HERC1: variants seen among roughly 807,000 people sequenced by gnomAD.
The protein encoded by HERC1 is probable E3 ubiquitin-protein ligase HERC1.
Under a neutral mutation model 554.3 loss-of-function variants are expected in HERC1, and 160 were observed. That is an observed-to-expected ratio of 0.29 (90% CI 0.25 to 0.33). The LOEUF is 0.33. Among genes scored for constraint, HERC1 ranks in the 10% least tolerant of loss-of-function variants. HERC1 has a pLI of 1.00. For synonymous variants in HERC1, 2,175 were observed against 2,131.7 expected, an observed-to-expected ratio of 1.02 and a Z score of -0.56; for missense variants, 4,919 against 5,918.5, an observed-to-expected ratio of 0.83 and a Z score of 5.54.
rs2074100850 is a variant in HERC1 at position 63,727,848 on chromosome 15, G to A, written c.3155-10C>T. 3.1e-6 allele frequency: 5 copies of A among 1,603,542 alleles called. No individual in the cohort carries two copies. The highest frequency in any genetic ancestry group is 4.3e-6 in the Non-Finnish European group (5 of 1,173,024). Reference sequence around the variant, plus strand: ...GAGACGTATATCACATCTATGAAGGGCAAGAAATTAAACATGGGACAATTG... The same window carrying A: ...GAGACGTATATCACATCTATGAAGGACAAGAAATTAAACATGGGACAATTG... On this transcript the variant is annotated splice_polypyrimidine_tract_variant and intron_variant, in intron 16 of 77. Coordinates refer to ENST00000443617, the MANE Select transcript of HERC1 (RefSeq NM_003922.4). This position sits in a 1 kb window ranked among gnomAD's most constrained non-coding sequence, Gnocchi z 4.3.
At chr15:63,786,454 C>G (rs35943131) in intron 1 of HERC1, among the ~76,000 whole-genome samples, 72,651 of 151,800 alleles carry the variant, frequency 0.48, 18,322 homozygotes, top group Non-Finnish European at 0.55. Context: ...TGTACACAAA[C>G]ATTCACTGGA....
In HERC1 at chr15:63,638,534, G is replaced by A; in HGVS notation, c.11970C>T (p.Asp3990=). 6.2e-7 allele frequency: 1 copy of A among 1,613,768 alleles called. No individual in the cohort carries two copies. The highest frequency in any genetic ancestry group is 1.1e-5 in the South Asian group (1 of 91,074). The change falls in exon 63 of 78, where the codon GAC becomes GAT. Residue 3990 remains aspartate (D), a splice_region_variant and synonymous_variant. Coordinates refer to ENST00000443617, the MANE Select transcript of HERC1 (RefSeq NM_003922.4). ...IMSWATSRPE[D]WHLGGKCDVY... ...CATCACATTTACCTCCCAGGTGCCA[G>A]TCCTAGAAAACCACAATCATCTCAA...
chr15:63,630,967 C>A lies in HERC1; in HGVS notation c.12797-332G>T, dbSNP rs549709477. Among the ~76,000 whole-genome samples the A allele has an allele frequency of 3.3e-5, 5 of 152,160 alleles. No homozygotes were observed. In the East Asian group the frequency reaches 9.7e-4, roughly 29 times the overall value. On this transcript the variant is annotated intron_variant, in intron 68 of 77. Coordinates refer to ENST00000443617, the MANE Select transcript of HERC1 (RefSeq NM_003922.4). ...AGGGTCTGACTGACACAGTTCAGGCCCTCAAGTTTCTTATGTTCTTTTTTG... is the reference window on the plus strand; with the variant it reads ...AGGGTCTGACTGACACAGTTCAGGCACTCAAGTTTCTTATGTTCTTTTTTG...
At chr15:63,787,577 C>G (rs923943738) in intron 1 of HERC1, among the ~76,000 whole-genome samples, 1 of 152,132 alleles carries the variant, frequency 6.6e-6, no homozygotes, top group Admixed American at 6.5e-5. Context: ...AAAAAAAGTT[C>G]GCTACATCAA....
Position 63,615,784 on chromosome 15 carries a change from T to C in HERC1, c.14078A>G (p.His4693Arg). The change falls in exon 76 of 78, where the codon CAT (histidine) becomes CGT (arginine). Residue 4693 changes from histidine (H) to arginine (R), a missense_variant. Around this residue, in one of 11 missense-constraint regions of HERC1, gnomAD observed 284 missense variants for 294.1 expected, o/e 0.97. Transcript: ENST00000443617. ...YVERAIEYRL[H>R]EMDRQVAAVR... ...TCATCTCACCTGTCTGTCCATCTCA[T>C]GAAGTCGATATTCAATGGCCCTCTC... 1 of 1,596,614 alleles carries C rather than the reference T, an allele frequency of 6.3e-7. No homozygotes were observed. The highest frequency in any genetic ancestry group is 8.5e-7 in the Non-Finnish European group (1 of 1,173,944).
intron 18 of HERC1, among the ~76,000 whole-genome samples, chr15:63,724,936 C>T (rs1252018847): frequency 6.6e-6 from 1 of 152,190 alleles, no homozygotes; most frequent in African/African-American, 2.4e-5. Context: ...ACTGATAAGT[C>T]ATGGTTAAGT....
rs565203493 is a variant in HERC1 at position 63,666,022 on chromosome 15, C to T, written c.8452G>A (p.Val2818Ile). 3.5e-5 allele frequency: 56 copies of T among 1,614,016 alleles called. No individual in the cohort carries two copies. The highest frequency in any genetic ancestry group is 6.7e-5 in the Admixed American group (4 of 60,032). Reference sequence around the variant, plus strand: ...TTTGACTTCCCGCCACTGCCTAGAACGGCTGCTCCAGGCCTAGAGTCTGCT... The same window carrying T: ...TTTGACTTCCCGCCACTGCCTAGAATGGCTGCTCCAGGCCTAGAGTCTGCT... ...STADSRPGAA[V>I]LGSGGKSNDP... Residue 2818 changes from valine (V) to isoleucine (I), a missense_variant, in exon 42 of 78, where the codon GTT becomes ATT. Coordinates refer to ENST00000443617, the MANE Select transcript of HERC1 (RefSeq NM_003922.4).
At chr15:63,785,602 CTACAAAAAA>C (rs2076413563) in intron 1 of HERC1, among the ~76,000 whole-genome samples, 1 of 151,972 alleles carries the variant, frequency 6.6e-6, no homozygotes, top group African/African-American at 2.4e-5. Flanking sequence ...AACCCCATCT[CTACAAAAAA>C]TACAAAAAAT....
chr15:63,718,975 T>A lies in HERC1; in HGVS notation c.3743-78A>T. 1.1e-6 allele frequency: 1 copy of A among 889,292 alleles called. No individual in the cohort carries two copies. 55.1% of individuals were successfully genotyped at this position (889,292 alleles called of 1,614,324 possible). A position where few individuals can be genotyped will look rare whatever the true frequency, so the allele number is the denominator to read the frequency against. ...GAGGTAATTTTTATAGCTTTAGTCA[T>A]CCAACACCTGAATTTTATCATCTTT... On this transcript the variant is annotated intron_variant, in intron 19 of 77. Transcript: ENST00000443617. The surrounding 1 kb of genome is among the most constrained non-coding windows in gnomAD (Gnocchi z 4.2).
chr15:63,635,639 A>C (rs2152819679), intron 65 of HERC1, among the ~76,000 whole-genome samples: 1 of 152,320 alleles, frequency 6.6e-6, no homozygotes, highest in South Asian at 2.1e-4. Context: ...TTTTCCTTTT[A>C]TCTGTGTATT....
chr15:63,831,412 G>C (rs2078150398), intron 1 of HERC1, among the ~76,000 whole-genome samples: 3 of 152,094 alleles, frequency 2.0e-5, no homozygotes, highest in Non-Finnish European at 2.9e-5. Context: ...CTGGCCAAAA[G>C]TTCTATTTAC....
intron 25 of HERC1, among the ~76,000 whole-genome samples, chr15:63,704,604 T>C (rs987681017): frequency 1.3e-5 from 2 of 152,082 alleles, no homozygotes; most frequent in Non-Finnish European, 2.9e-5. Flanking sequence ...GGAAAGTAAA[T>C]CTGTTCCAAA....
chr15:63,666,033 G>C lies in HERC1; in HGVS notation c.8441C>G (p.Pro2814Arg). The change falls in exon 42 of 78, where the codon CCT (proline) becomes CGT (arginine). Residue 2814 changes from proline (P) to arginine (R), a missense_variant. This residue lies in a region of HERC1 where 1,963 missense variants were observed against 2,228.6 expected (regional missense o/e 0.88). Transcript: ENST00000443617. ...PQSGSTADSR[P>R]GAAVLGSGGK... ...GCCACTGCCTAGAACGGCTGCTCCA[G>C]GCCTAGAGTCTGCTGTGCTGCCCGA... The C allele has an allele frequency of 1.9e-6, 3 of 1,614,026 alleles. No homozygotes were observed. Among genetic ancestry groups the C allele is most frequent in the Non-Finnish European group, 1.7e-6 (2 of 1,179,888 alleles).
chr15:63,800,199 T>C (rs1337853321), intron 1 of HERC1, among the ~76,000 whole-genome samples: 2 of 152,156 alleles, frequency 1.3e-5, no homozygotes, highest in South Asian at 2.1e-4. Context: ...ATGCATTTGT[T>C]AATATTTTTC....
chr15:63,725,146 G>A, intron 18 of HERC1, 146 bp downstream of exon 18: 2 of 685,086 alleles, frequency 2.9e-6, no homozygotes, highest in Non-Finnish European at 4.9e-6. Context: ...TTTTCTTAGG[G>A]CTCCAAGTCA....
At chr15:63,644,499 G>GTT (rs552291680) in intron 57 of HERC1, among the ~76,000 whole-genome samples, 2,433 of 147,984 alleles carry the variant, frequency 0.016, 70 homozygotes, top group African/African-American at 0.057. Context: ...AAGCTTCTTT[G>GTT]TTTTTTTTTT....
Position 63,732,904 on chromosome 15 carries a change from A to T in HERC1, c.2868+20T>A. On this transcript the variant is annotated intron_variant, in intron 14 of 77. Coordinates refer to ENST00000443617, the MANE Select transcript of HERC1 (RefSeq NM_003922.4). ...CCTACCCCTTTATTCTTTTTTTACT[A>T]CAATGAAAGAACAACTTACTGTATA... 1 of 1,475,172 alleles carries T rather than the reference A, an allele frequency of 6.8e-7. No homozygotes were observed. The highest frequency in any genetic ancestry group is 9.5e-7 in the Non-Finnish European group (1 of 1,056,732). 91.4% of individuals were successfully genotyped at this position (1,475,172 alleles called of 1,614,324 possible). A position where few individuals can be genotyped will look rare whatever the true frequency, so the allele number is the denominator to read the frequency against.
At chr15:63,650,069 G>T in intron 53 of HERC1, 144 bp from the exon 54 acceptor site, 1 of 627,948 alleles carries the variant, frequency 1.6e-6, no homozygotes, top group Non-Finnish European at 2.8e-6. Context: ...GACCATGAAG[G>T]CAGGATCCTT....
intron 63 of HERC1, 124 bp from the exon 64 acceptor site, chr15:63,637,767 G>A: frequency 1.6e-6 from 1 of 641,664 alleles, no homozygotes; most frequent in Non-Finnish European, 2.5e-6. Flanking sequence ...TTTACTGAAA[G>A]GGAAGAGTTG....
Sources: allele counts gnomAD v4.1 joint callset (sites outside exome capture counted in the v4.1 genomes callset), GRCh38; gene constraint gnomAD v4.1.1; regional missense constraint gnomAD v4.1.1; non-coding constraint Gnocchi (gnomAD v3.1); transcripts MANE v1.5; gene names NCBI Gene and HGNC (gene_info 2026-07-23, HGNC 2026-07-21).